Variants in RAPGEF2 observed in about 807,000 individuals in gnomAD.
RAPGEF2 encodes Rap guanine nucleotide exchange factor 2.
A neutral mutation model predicts 186.7 loss-of-function variants in RAPGEF2; 54 were observed. The ratio of observed to expected loss-of-function variants is 0.29; its 90% CI spans 0.23 to 0.36. The LOEUF (loss-of-function observed/expected upper bound fraction) is 0.36. Among genes scored for constraint, RAPGEF2 ranks in the 10% least tolerant of loss-of-function variants. The pLI is 1.00. For synonymous variants in RAPGEF2, 712 were observed against 705.9 expected (o/e 1.01, Z -0.14); for missense variants, 1,532 against 2,045.0 (o/e 0.75, Z 4.84).
chr4:159,152,861 C>T (rs892478393), intron 1 of RAPGEF2, among the ~76,000 whole-genome samples: 5 of 152,146 alleles, frequency 3.3e-5, no homozygotes, highest in Admixed American at 6.6e-5. Context: ...CCTCATGATC[C>T]GCCCTCGGCC....
chr4:159,261,340 G>A (rs1338486322), intron 7 of RAPGEF2, among the ~76,000 whole-genome samples: 1 of 152,126 alleles, frequency 6.6e-6, no homozygotes, highest in Non-Finnish European at 1.5e-5. Context: ...GGGATTACGG[G>A]CGTGAGCCAC....
intron 1 of RAPGEF2, among the ~76,000 whole-genome samples, chr4:159,147,417 G>A (rs1412365491): frequency 6.6e-6 from 1 of 151,440 alleles, no homozygotes; most frequent in Non-Finnish European, 1.5e-5. Flanking sequence ...GTAGAAAAAA[G>A]AGAGTAATAC....
In RAPGEF2 at chr4:159,353,576, A is replaced by G. The variant is rs762102218; in HGVS notation, c.4181A>G (p.Gln1394Arg). 3 of 1,583,772 alleles carry G rather than the reference A, an allele frequency of 1.9e-6. No homozygotes were observed. The highest frequency in any genetic ancestry group is 2.6e-6 in the Non-Finnish European group (3 of 1,168,384). ...AGCACAGAGGAACTTTCCCAGGATC[A>G]GGGGGATCGCGCGTCACTTGATGCT... ...SPSTEELSQD[Q>R]GDRASLDAAD... Residue 1394 changes from glutamine (Q) to arginine (R), a missense_variant, in exon 28 of 30, where the codon CAG becomes CGG. By Grantham distance (43) the Gln-to-Arg change is conservative (BLOSUM62 1). This residue lies in a region of RAPGEF2 where 594 missense variants were observed against 608.5 expected (regional missense o/e 0.98). Coordinates refer to ENST00000691494, the MANE Select transcript of RAPGEF2 (RefSeq NM_001394067.2). The surrounding 1 kb of genome is among the most constrained non-coding windows in gnomAD (Gnocchi z 4.3).
At chr4:159,140,671 GA>G (rs1472332279) in intron 1 of RAPGEF2, among the ~76,000 whole-genome samples, 5 of 152,070 alleles carry the variant, frequency 3.3e-5, no homozygotes, top group Non-Finnish European at 7.4e-5. Context: ...AGTAGACAAA[GA>G]AATAGGAAAT....
chr4:159,232,413 T>C (rs1048060098), intron 4 of RAPGEF2, among the ~76,000 whole-genome samples: 1 of 152,232 alleles, frequency 6.6e-6, no homozygotes, highest in Non-Finnish European at 1.5e-5. Flanking sequence ...TTGTTGTCTT[T>C]AGTGGATGTT....
intron 1 of RAPGEF2, among the ~76,000 whole-genome samples, chr4:159,166,001 C>T (rs575086327): frequency 2.6e-5 from 4 of 152,156 alleles, no homozygotes; most frequent in East Asian, 1.9e-4. Flanking sequence ...TAGGACTAGT[C>T]AAAAGTGGAT....
chr4:159,213,554 C>G (rs907137397), intron 4 of RAPGEF2, among the ~76,000 whole-genome samples: 2 of 152,136 alleles, frequency 1.3e-5, no homozygotes, highest in Non-Finnish European at 2.9e-5. Flanking sequence ...ATGATTTCAT[C>G]CGGTGAAAAG....
At chr4:159,284,255 G>A (rs1263886861) in intron 7 of RAPGEF2, among the ~76,000 whole-genome samples, 1 of 152,032 alleles carries the variant, frequency 6.6e-6, no homozygotes, top group Non-Finnish European at 1.5e-5. Flanking sequence ...ACACAGTAAT[G>A]TACTAACTCT....
chr4:159,319,110 G>A (rs1255406583), intron 9 of RAPGEF2, among the ~76,000 whole-genome samples: 4 of 152,042 alleles, frequency 2.6e-5, no homozygotes, highest in Admixed American at 6.5e-5. Flanking sequence ...GCCCTTTTAA[G>A]TCTGTATGAT....
chr4:159,154,723 A>G (rs1428874172), intron 1 of RAPGEF2, among the ~76,000 whole-genome samples: 1 of 152,160 alleles, frequency 6.6e-6, no homozygotes, highest in African/African-American at 2.4e-5. Flanking sequence ...GATCTCTTGA[A>G]TCAGAGACAT....
chr4:159,215,341 C>G (rs993595500), intron 4 of RAPGEF2, among the ~76,000 whole-genome samples: 1 of 151,674 alleles, frequency 6.6e-6, no homozygotes, highest in African/African-American at 2.4e-5. Flanking sequence ...CCCTGCTGAT[C>G]TGAAAAATAT....
chr4:159,156,888 A>G (rs1486821473), intron 1 of RAPGEF2, among the ~76,000 whole-genome samples: 3 of 152,236 alleles, frequency 2.0e-5, no homozygotes, highest in Admixed American at 2.0e-4. Context: ...CAAGAAATAT[A>G]GTATAACAAC....
At chr4:159,357,570 G>A (rs905855226) in intron 29 of RAPGEF2, among the ~76,000 whole-genome samples, 4 of 152,104 alleles carry the variant, frequency 2.6e-5, no homozygotes, top group Non-Finnish European at 4.4e-5. Context: ...ACGTGACTGG[G>A]AGATTGGGAG....
chr4:159,139,008 T>C (rs1479379517), intron 1 of RAPGEF2, among the ~76,000 whole-genome samples: 9 of 152,202 alleles, frequency 5.9e-5, no homozygotes, highest in Non-Finnish European at 8.8e-5. Flanking sequence ...TGCATCTGAC[T>C]AGGTAACATT....
chr4:159,178,720 G>A (rs1282977909), intron 1 of RAPGEF2, among the ~76,000 whole-genome samples: 1 of 151,984 alleles, frequency 6.6e-6, no homozygotes, highest in African/African-American at 2.4e-5. Context: ...ACCACGCCCG[G>A]CTAGTTTTTG....
chr4:159,328,241 C>T (rs2111187490), intron 11 of RAPGEF2: 1 of 152,176 alleles, frequency 6.6e-6, no homozygotes, highest in East Asian at 1.9e-4. Context: ...AACTAAGGAT[C>T]ATGTATTTTG....
At chr4:159,332,819 ATT>A in intron 17 of RAPGEF2, 122 bp downstream of exon 17, 1 of 1,212,588 alleles carries the variant, frequency 8.2e-7, no homozygotes, top group African/African-American at 1.5e-5. Flanking sequence ...TGACTGAGCT[ATT>A]TTGGAAGCAG....
intron 1 of RAPGEF2, among the ~76,000 whole-genome samples, chr4:159,164,169 T>G (rs968803764): frequency 2.6e-5 from 4 of 152,254 alleles, no homozygotes; most frequent in African/African-American, 9.6e-5. Context: ...CACACCCAGC[T>G]AATTTTTTGT....
At chr4:159,171,991 C>T (rs1353726298) in intron 1 of RAPGEF2, among the ~76,000 whole-genome samples, 3 of 151,684 alleles carry the variant, frequency 2.0e-5, no homozygotes, top group Non-Finnish European at 4.4e-5. Flanking sequence ...CAGTGAACTA[C>T]TATCTAGTAT....
Sources: gnomAD v4.1 joint callset for allele counts (sites outside exome capture counted in the v4.1 genomes callset) on GRCh38, gnomAD v4.1.1 for gene constraint, gnomAD v4.1.1 regional missense constraint, Gnocchi (gnomAD v3.1) non-coding constraint, MANE v1.5 for transcripts, NCBI Gene and HGNC (gene_info 2026-07-23, HGNC 2026-07-21) for gene names.